ADAMTS10: variants seen among roughly 807,000 people sequenced by gnomAD.
ADAMTS10 encodes A disintegrin and metalloproteinase with thrombospondin motifs 10.
ADAMTS10 carries 48 observed loss-of-function variants against 135.9 expected under a neutral mutation model. That is an observed-to-expected ratio of 0.35 (90% CI 0.28 to 0.45). ADAMTS10 has a LOEUF of 0.45. ADAMTS10 is among the 20% of genes least tolerant of loss of function. ADAMTS10 has a pLI of 1.00. For synonymous variants in ADAMTS10, 621 were observed against 647.5 expected (o/e 0.96, Z 0.62); for missense variants, 1,131 against 1,565.2 (o/e 0.72, Z 4.68).
chr19:8,598,392 A>G (rs1158427185), intron 6 of ADAMTS10, among the ~76,000 whole-genome samples: 4 of 151,632 alleles, frequency 2.6e-5, no homozygotes, highest in African/African-American at 9.7e-5. Flanking sequence ...GAAGGTACCA[A>G]TTTGCCCATC....
At chr19:8,592,685 G>T in intron 13 of ADAMTS10, 78 bp downstream of exon 13, 2 of 1,401,972 alleles carry the variant, frequency 1.4e-6, no homozygotes, top group Admixed American at 2.0e-5. Context: ...TAGGCCGAAG[G>T]ACAGGCGGGT....
chr19:8,585,242 C>G lies in ADAMTS10; in HGVS notation c.2932G>C (p.Ala978Pro), dbSNP rs1555736632. The G allele has an allele frequency of 6.8e-7, 1 of 1,471,624 alleles. No individual in the cohort carries two copies. The highest frequency in any genetic ancestry group is 9.0e-7 in the Non-Finnish European group (1 of 1,109,548). The allele number at this position is 1,471,624 out of a possible 1,614,324, so 91.2% of individuals were successfully genotyped here. ...GAGCAGTGCGCCGGGGGCAGCGTGGCGCGGTGGTCTGCGCTCTTGCAAAGG... is the reference window on the plus strand; with the variant it reads ...GAGCAGTGCGCCGGGGGCAGCGTGGGGCGGTGGTCTGCGCTCTTGCAAAGG... The part of the protein sequence containing the change: ...VVLCKSADHR[A>P]TLPPAHCSPA... Residue 978 changes from alanine (A) to proline (P), a missense_variant, in exon 24 of 26, where the codon GCC (alanine) becomes CCC (proline). This residue lies in a region of ADAMTS10 where 745 missense variants were observed against 1,056.3 expected (regional missense o/e 0.71). Coordinates refer to ENST00000597188, the MANE Select transcript of ADAMTS10 (RefSeq NM_030957.4).
chr19:8,601,186 TG>T lies in ADAMTS10; in HGVS notation c.593-42del. 1 of 1,600,432 alleles carries T rather than the reference TG, an allele frequency of 6.2e-7. No individual in the cohort carries two copies. The highest frequency in any genetic ancestry group is 8.5e-7 in the Non-Finnish European group (1 of 1,174,092). On this transcript the variant is annotated intron_variant, in intron 5 of 25. Transcript: ENST00000597188. This position sits in a 1 kb window ranked among gnomAD's most constrained non-coding sequence, Gnocchi z 4.6. ...GAGCAATTAAGCCCTGCCCTGCTGGTGGGACGCAGAGCTGCCTGACAACTGT... is the reference window on the plus strand; with the variant it reads ...GAGCAATTAAGCCCTGCCCTGCTGGTGGACGCAGAGCTGCCTGACAACTGT...
At chr19:8,607,865 CA>C (rs1190975906) in intron 2 of ADAMTS10, among the ~76,000 whole-genome samples, 2 of 145,730 alleles carry the variant, frequency 1.4e-5, no homozygotes, top group Non-Finnish European at 3.0e-5. Flanking sequence ...GGGTGGAGTG[CA>C]GTGGTGTGAT....
In ADAMTS10 at chr19:8,586,822, G is replaced by T; in HGVS notation, c.2233C>A (p.His745Asn). ...FIQDLNLSLS[H>N]LALKGDQESL... ...CTCCCCACCATCTGCTCACCCAAGT[G>T]ACTGAGAGAGAGGTTCAGATCCTGG... is the stretch of plus-strand genomic sequence containing the variant. The change falls in exon 19 of 26, where the codon CAC becomes AAC. Residue 745 changes from histidine (H) to asparagine (N), a missense_variant. Around this residue, in one of 3 missense-constraint regions of ADAMTS10, gnomAD observed 745 missense variants for 1,056.3 expected, o/e 0.71. Coordinates refer to ENST00000597188, the MANE Select transcript of ADAMTS10 (RefSeq NM_030957.4). The T allele has an allele frequency of 6.2e-7, 1 of 1,614,076 alleles. No individual in the cohort carries two copies. Among genetic ancestry groups the T allele is most frequent in the South Asian group, 1.1e-5 (1 of 91,044 alleles).
intron 6 of ADAMTS10, 101 bp downstream of exon 6, chr19:8,600,827 C>A: frequency 7.0e-7 from 1 of 1,419,034 alleles, no homozygotes; most frequent in South Asian, 1.2e-5. Context: ...CCTGTCCCCA[C>A]GTCAGGGATT....
At chr19:8,599,895 C>A (rs574228418) in intron 6 of ADAMTS10, among the ~76,000 whole-genome samples, 1 of 151,598 alleles carries the variant, frequency 6.6e-6, no homozygotes. Context: ...AGCACAGTGG[C>A]GTGATCTCAG....
intron 15 of ADAMTS10, among the ~76,000 whole-genome samples, chr19:8,590,500 C>G (rs1237054655): frequency 6.6e-6 from 1 of 151,854 alleles, no homozygotes; most frequent in Non-Finnish European, 1.5e-5. Flanking sequence ...CTCTCGTTGC[C>G]CTAGTTGGAG....
At chr19:8,581,130 C>CCTTTT (rs1491576985) in intron 25 of ADAMTS10, 128 bp from the exon 26 acceptor site, 1 of 136,656 alleles carries the variant, frequency 7.3e-6, no homozygotes, top group Non-Finnish European at 1.2e-5. Flanking sequence ...TTTAAATTTA[C>CCTTTT]TTTTTTTTTT....
chr19:8,591,924 G>A (rs1386657310), intron 14 of ADAMTS10, 34 bp downstream of exon 14: 3 of 1,610,406 alleles, frequency 1.9e-6, no homozygotes, highest in East Asian at 4.5e-5. Flanking sequence ...CAGGGGTCGC[G>A]CTGCCCTCCC....
At chr19:8,583,654 C>T (rs2042383350) in intron 25 of ADAMTS10, among the ~76,000 whole-genome samples, 3 of 151,674 alleles carry the variant, frequency 2.0e-5, no homozygotes, top group South Asian at 4.2e-4. Context: ...CAAGACCAGC[C>T]TGGGCTACAT....
chr19:8,587,938 A>G (rs1406943722), intron 18 of ADAMTS10, among the ~76,000 whole-genome samples: 2 of 151,398 alleles, frequency 1.3e-5, no homozygotes, highest in African/African-American at 4.8e-5. Context: ...CTCAAAAAAA[A>G]AAAAAAAAAA....
At chr19:8,593,559 A>G (rs1298636813) in intron 12 of ADAMTS10, 5 of 152,408 alleles carry the variant, frequency 3.3e-5, no homozygotes, top group African/African-American at 1.2e-4. Flanking sequence ...CAGGTGAAAA[A>G]TCAGCCCCAC....
At position 8,605,321 on chromosome 19, in the gene ADAMTS10, G is replaced by A. The variant is rs377641026; in HGVS notation, c.126C>T (p.Ala42=). 2.5e-6 allele frequency: 4 copies of A among 1,609,342 alleles called. No individual in the cohort carries two copies. Among genetic ancestry groups the A allele is most frequent in the Non-Finnish European group, 2.5e-6 (3 of 1,178,106 alleles). ...FLSSLESYEI[A]FPTRVDHNGA... ...CGTTGTGGTCCACGCGGGTGGGGAA[G>A]GCGATCTCATAGCTCTCCAGACTGG... Residue 42 remains alanine (A), a synonymous_variant, in exon 4 of 26, where the codon GCC becomes GCT. Coordinates refer to ENST00000597188, the MANE Select transcript of ADAMTS10 (RefSeq NM_030957.4). This position sits in a 1 kb window ranked among gnomAD's most constrained non-coding sequence, Gnocchi z 7.7.
chr19:8,590,884 C>G (rs1171697922), intron 15 of ADAMTS10, among the ~76,000 whole-genome samples: 1 of 152,374 alleles, frequency 6.6e-6, no homozygotes, highest in South Asian at 2.1e-4. Context: ...GTGTGAGCCA[C>G]TGCACCTGGC....
In ADAMTS10 at chr19:8,605,355, T is replaced by G; in HGVS notation, c.92A>C (p.Glu31Ala). ...EVTHAFRSQD[E>A]FLSSLESYEI... ...ATAGCTCTCCAGACTGGACAGGAAC[T>G]CATCTGTGGGTGAGGGTCAGAGGCC... is the stretch of plus-strand genomic sequence containing the variant. The change falls in exon 4 of 26, where the codon GAG becomes GCG. Residue 31 changes from glutamate (E) to alanine (A), a missense_variant. Coordinates refer to ENST00000597188, the MANE Select transcript of ADAMTS10 (RefSeq NM_030957.4). This position sits in a 1 kb window ranked among gnomAD's most constrained non-coding sequence, Gnocchi z 7.7. The G allele has an allele frequency of 1.3e-6, 2 of 1,597,582 alleles. No homozygotes were observed. Among genetic ancestry groups the G allele is most frequent in the South Asian group, 2.3e-5 (2 of 88,726 alleles).
chr19:8,595,580 TA>T (rs2042592778), intron 12 of ADAMTS10, 181 bp downstream of exon 12: 1 of 915,010 alleles, frequency 1.1e-6, no homozygotes, highest in South Asian at 1.5e-5. Flanking sequence ...TCTGATTGCT[TA>T]GGACATTTTG....
At chr19:8,610,386 CAT>C (rs552369236) in intron 1 of ADAMTS10, among the ~76,000 whole-genome samples, 2 of 150,360 alleles carry the variant, frequency 1.3e-5, no homozygotes, top group Admixed American at 6.6e-5. Flanking sequence ...CTGACACACA[CAT>C]GTAATGCACA....
Position 8,586,208 on chromosome 19 carries a change from G to A in ADAMTS10, c.2574C>T (p.Ser858=). Residue 858 remains serine, a synonymous_variant, in exon 22 of 26, where the codon AGC becomes AGT. Transcript: ENST00000597188. ...TGCAGTAGTGGGGGGCGACCGCGGA[G>A]CTGTCCAGCTGGTTGCGGCACTCCA... ...QAVECRNQLD[S]SAVAPHYCSA... is the part of the protein sequence containing the mutation. The A allele has an allele frequency of 6.2e-7, 1 of 1,613,020 alleles. No individual in the cohort carries two copies.
Sources: gnomAD v4.1 joint callset for allele counts (sites outside exome capture counted in the v4.1 genomes callset) on GRCh38, gnomAD v4.1.1 for gene constraint, gnomAD v4.1.1 regional missense constraint, Gnocchi (gnomAD v3.1) non-coding constraint, MANE v1.5 for transcripts, NCBI Gene and HGNC (gene_info 2026-07-23, HGNC 2026-07-21) for gene names.